Variants in PIGZ observed in about 807,000 individuals in gnomAD.
The protein encoded by PIGZ is GPI alpha-1,2-mannosyltransferase 4.
Under a neutral mutation model 16.4 loss-of-function variants are expected in PIGZ, and 16 were observed. The observed-to-expected ratio is 0.97, with a 90% CI of 0.66 to 1.48. PIGZ has a LOEUF of 1.48. Ranked by LOEUF, PIGZ falls within the 40% of genes most tolerant of loss-of-function variation. The pLI is 0.00. For missense variants in PIGZ, 770 were observed against 739.2 expected (o/e 1.04, Z -0.48); for synonymous variants, 409 against 338.4 (o/e 1.21, Z -2.29).
chr3:196,963,374 G>A (rs1717797549), intron 1 of PIGZ, among the ~76,000 whole-genome samples: 3 of 152,172 alleles, frequency 2.0e-5, no homozygotes, highest in Admixed American at 2.0e-4. Context: ...GAAACTTCCA[G>A]GTTGTTTTCC....
At position 196,947,220 on chromosome 3, in the gene PIGZ, C is replaced by A; in HGVS notation, c.1677G>T (p.Leu559Phe). The change falls in exon 3 of 3, where the codon TTG (leucine) becomes TTT (phenylalanine). Residue 559 changes from leucine to phenylalanine, a missense_variant. Coordinates refer to ENST00000412723, the MANE Select transcript of PIGZ (RefSeq NM_025163.4). ...TLEDPPALSS[L>F]LSGAWRDHLS... The stretch of plus-strand genomic sequence containing the variant: ...GGTGGTCCCTCCAAGCCCCACTCAG[C>A]AAGGAGGACAGGGCTGGTGGATCCT... The A allele has an allele frequency of 1.2e-6, 2 of 1,603,460 alleles. No homozygotes were observed. The highest frequency in any genetic ancestry group is 1.1e-5 in the South Asian group (1 of 88,840).
intron 2 of PIGZ, among the ~76,000 whole-genome samples, chr3:196,950,380 A>T (rs772416690): frequency 1.3e-5 from 2 of 152,200 alleles, no homozygotes; most frequent in Non-Finnish European, 2.9e-5. Context: ...CTGTGCCCCA[A>T]CGTCCCAGAG....
Position 196,948,686 on chromosome 3 carries a change from C to T in PIGZ, c.212-1G>A. The T allele has an allele frequency of 6.9e-7, 1 of 1,447,600 alleles. No individual in the cohort carries two copies. The highest frequency in any genetic ancestry group is 9.1e-7 in the Non-Finnish European group (1 of 1,102,670). The allele number at this position is 1,447,600 out of a possible 1,614,324, so 89.7% of individuals were successfully genotyped here. A position where few individuals can be genotyped will look rare whatever the true frequency, so the allele number is the denominator to read the frequency against. ...GCGGCCTGAACGCCCAGGATGTCCT[C>T]TGCAGAGAGAGGCAGAGGTGAGCCA... On this transcript the variant is annotated splice_acceptor_variant, in intron 2 of 2. Transcript: ENST00000412723. LOFTEE classifies it high-confidence loss of function.
Position 196,947,514 on chromosome 3 carries a change from G to A in PIGZ, c.1383C>T (p.Leu461=), listed in dbSNP as rs762001867. ...LPSTPTHYTL[L]FTHTYMPPRH... is the part of the protein sequence containing the mutation. Reference sequence around the variant, plus strand: ...GGGGGGGCATGTAGGTGTGAGTGAAGAGGAGTGTGTAGTGGGTGGGTGTGC... The same window carrying A: ...GGGGGGGCATGTAGGTGTGAGTGAAAAGGAGTGTGTAGTGGGTGGGTGTGC... Residue 461 remains leucine, a synonymous_variant, in exon 3 of 3, where the codon CTC becomes CTT. Transcript: ENST00000412723. The A allele has an allele frequency of 4.3e-6, 7 of 1,613,750 alleles. No homozygotes were observed. The East Asian group carries it at 1.6e-4, about 36-fold the overall frequency.
At position 196,948,460 on chromosome 3, in the gene PIGZ, T is replaced by A; in HGVS notation, c.437A>T (p.His146Leu). 6.2e-7 allele frequency: 1 copy of A among 1,612,290 alleles called. No individual in the cohort carries two copies. The highest frequency in any genetic ancestry group is 8.5e-7 in the Non-Finnish European group (1 of 1,179,420). ...LSFALDGAVY[H>L]LAPPMGADRW... ...ATCCGCCCCCATCGGCGGGGCCAGG[T>A]GGTACACGGCCCCGTCCAGAGCAAA... is the stretch of plus-strand genomic sequence containing the variant. The change falls in exon 3 of 3, where the codon CAC becomes CTC. Residue 146 changes from histidine to leucine, a missense_variant. Physicochemically the swap from His to Leu is moderately conservative, Grantham distance 99. Coordinates refer to ENST00000412723, the MANE Select transcript of PIGZ (RefSeq NM_025163.4).
Position 196,968,698 on chromosome 3 carries a change from C to G in PIGZ, c.-12G>C, listed in dbSNP as rs1335805739. On this transcript the variant is annotated 5_prime_UTR_variant, in exon 1 of 3. Transcript: ENST00000412723. ...GCGCACCGACTCACCCGCGCGGCCT[C>G]CGGGCTGCGCCTTCAGCGCTGGCGG... 6 of 152,202 alleles carry G rather than the reference C, an allele frequency of 3.9e-5. No individual in the cohort carries two copies. The highest frequency in any genetic ancestry group is 3.9e-4 in the Admixed American group (6 of 15,284). The allele number at this position is 152,202 out of a possible 1,614,324, so 9.4% of individuals were successfully genotyped here. A position where few individuals can be genotyped will look rare whatever the true frequency, so the allele number is the denominator to read the frequency against.
In PIGZ at chr3:196,947,263, A is replaced by G; in HGVS notation, c.1634T>C (p.Phe545Ser). Residue 545 changes from phenylalanine (F) to serine (S), a missense_variant, in exon 3 of 3, where the codon TTT (phenylalanine) becomes TCT (serine). Coordinates refer to ENST00000412723, the MANE Select transcript of PIGZ (RefSeq NM_025163.4). Reference protein sequence around the residue: ...SFPFKNETLLFPHLTLEDPPA... With the variant: ...SFPFKNETLLSPHLTLEDPPA... ...TGGATCCTCCAGGGTCAGATGGGGA[A>G]ATAAAAGTGTTTCATTCTTGAAGGG... is the stretch of plus-strand genomic sequence containing the variant. 6.2e-7 allele frequency: 1 copy of G among 1,613,954 alleles called. No individual in the cohort carries two copies.
intron 1 of PIGZ, among the ~76,000 whole-genome samples, chr3:196,960,039 C>T (rs1449945649): frequency 6.6e-6 from 1 of 152,218 alleles, no homozygotes; most frequent in African/African-American, 2.4e-5. Context: ...TTCCACTATC[C>T]AGTCCCCACT....
intron 1 of PIGZ, among the ~76,000 whole-genome samples, chr3:196,966,544 C>T (rs1330593455): frequency 6.6e-6 from 1 of 152,228 alleles, no homozygotes; most frequent in Non-Finnish European, 1.5e-5. Flanking sequence ...GATTCATCTC[C>T]AGCCTGGGTG....
In PIGZ at chr3:196,947,742, G is replaced by A; in HGVS notation, c.1155C>T (p.Ser385=). The change falls in exon 3 of 3, where the codon AGC becomes AGT. Residue 385 remains serine, a synonymous_variant. Coordinates refer to ENST00000412723, the MANE Select transcript of PIGZ (RefSeq NM_025163.4). ...GAATCAGGAACCGAGCCTCCTGGTG[G>A]CTAAAGGCAGATAGCAGGGCCAGAG... ...FMPLALLSAF[S]HQEARFLIPL... is the part of the protein sequence containing the mutation. 1 of 1,612,794 alleles carries A rather than the reference G, an allele frequency of 6.2e-7. No individual in the cohort carries two copies. Among genetic ancestry groups the A allele is most frequent in the Non-Finnish European group, 8.5e-7 (1 of 1,179,396 alleles).
At chr3:196,967,787 G>C (rs1159337940) in intron 1 of PIGZ, among the ~76,000 whole-genome samples, 1 of 152,122 alleles carries the variant, frequency 6.6e-6, no homozygotes, top group Admixed American at 6.5e-5. Flanking sequence ...CACAGAGAAC[G>C]CAACACACAA....
Position 196,948,697 on chromosome 3 carries a change from G to C in PIGZ, c.212-12C>G. 6.9e-7 allele frequency: 1 copy of C among 1,441,922 alleles called. No individual in the cohort carries two copies. The highest frequency in any genetic ancestry group is 2.5e-5 in the East Asian group (1 of 40,026). 89.3% of individuals were successfully genotyped at this position (1,441,922 alleles called of 1,614,324 possible). On this transcript the variant is annotated splice_polypyrimidine_tract_variant and intron_variant, in intron 2 of 2. Coordinates refer to ENST00000412723, the MANE Select transcript of PIGZ (RefSeq NM_025163.4). The stretch of plus-strand genomic sequence containing the variant: ...GCCCAGGATGTCCTCTGCAGAGAGA[G>C]GCAGAGGTGAGCCAGTACCAAGCTC...
chr3:196,948,878 T>TCCCTTCCTTC (rs553539906), intron 2 of PIGZ, among the ~76,000 whole-genome samples, 193 bp from the exon 3 acceptor site: 5 of 20,088 alleles, frequency 2.5e-4, no homozygotes, highest in Non-Finnish European at 4.1e-4. Flanking sequence ...CTTCCTTCCT[T>TCCCTTCCTTC]CCCTTCCTTC....
intron 2 of PIGZ, chr3:196,951,410 G>A (rs1481381591): frequency 7.7e-6 from 2 of 258,370 alleles, no homozygotes; most frequent in Non-Finnish European, 7.6e-6. Flanking sequence ...CCAGGTCTGG[G>A]TTCCCTTACC....
intron 1 of PIGZ, 57 bp from the exon 2 acceptor site, chr3:196,952,088 T>C: frequency 6.8e-7 from 1 of 1,469,508 alleles, no homozygotes; most frequent in Non-Finnish European, 9.3e-7. Context: ...TATTCAACTG[T>C]CTGAACAAAC....
Position 196,947,292 on chromosome 3 carries a change from G to A in PIGZ, c.1605C>T (p.Ser535=), listed in dbSNP as rs2108891177. 1.9e-6 allele frequency: 3 copies of A among 1,614,172 alleles called. No homozygotes were observed. In the East Asian group the frequency reaches 6.7e-5, roughly 36 times the overall value. Residue 535 remains serine, a synonymous_variant, in exon 3 of 3, where the codon AGC becomes AGT. Transcript: ENST00000412723. ...AAAGTGTTTCATTCTTGAAGGGGAA[G>A]CTGCACTTCTCCACGGCACGCCTGG... ...GTTRRAVEKC[S]FPFKNETLLF...
chr3:196,947,942 C>T lies in PIGZ; in HGVS notation c.955G>A (p.Ala319Thr). 5.0e-6 allele frequency: 8 copies of T among 1,613,416 alleles called. No individual in the cohort carries two copies. Among genetic ancestry groups the T allele is most frequent in the Non-Finnish European group, 6.8e-6 (8 of 1,179,674 alleles). ...HGTHARLTHL[A>T]VNGFLLFGVL... The stretch of plus-strand genomic sequence containing the variant: ...CCGAAGAGCAGGAAGCCGTTGACTG[C>T]CAGGTGAGTGAGCCGCGCGTGCGTG... Residue 319 changes from alanine to threonine, a missense_variant, in exon 3 of 3, where the codon GCA (alanine) becomes ACA (threonine). Transcript: ENST00000412723.
In PIGZ at chr3:196,948,295, G is replaced by T; in HGVS notation, c.602C>A (p.Thr201Lys). The T allele has an allele frequency of 3.7e-6, 6 of 1,614,184 alleles. No homozygotes were observed. The highest frequency in any genetic ancestry group is 5.1e-6 in the Non-Finnish European group (6 of 1,180,034). ...TGGACCCGGCGCCGGCTCCTTGCGT[G>T]TAGGGCCCCACGTTACATGGGAGGA... ...LVSSHVTWGP[T>K]RKEPAPGPRW... Residue 201 changes from threonine (T) to lysine (K), a missense_variant, in exon 3 of 3, where the codon ACA (threonine) becomes AAA (lysine). Transcript: ENST00000412723.
chr3:196,951,718 A>T, intron 2 of PIGZ, 103 bp downstream of exon 2: 1 of 1,086,596 alleles, frequency 9.2e-7, no homozygotes, highest in Non-Finnish European at 1.4e-6. Flanking sequence ...TGGATTTACT[A>T]CTCATCTACC....
Sources: allele counts gnomAD v4.1 joint callset (sites outside exome capture counted in the v4.1 genomes callset), GRCh38; gene constraint gnomAD v4.1.1; transcripts MANE v1.5; gene names NCBI Gene and HGNC (gene_info 2026-07-23, HGNC 2026-07-21).